Variants in SLC25A28 observed in about 807,000 individuals in gnomAD.
SLC25A28 encodes the protein mitoferrin-2.
In SLC25A28, 10 loss-of-function variants were observed where a neutral mutation model predicts 31.9. The observed-to-expected ratio is 0.31, with a 90% CI of 0.19 to 0.53. The LOEUF is 0.53. Ranked by LOEUF, SLC25A28 falls within the 20% of genes least tolerant of loss-of-function variation. The pLI is 0.95. For missense variants in SLC25A28, 256 were observed against 490.3 expected (o/e 0.52, Z 4.51); for synonymous variants, 208 against 203.6 (o/e 1.02, Z -0.19).
Position 99,613,549 on chromosome 10 carries a change from A to C in SLC25A28, c.520+147T>G. The stretch of plus-strand genomic sequence containing the variant: ...TTGAAGCGGCCCGTTGTCTGAGAAC[A>C]TCAGGTTTGGAAGTCCCTCCCTTAT... On this transcript the variant is annotated intron_variant, in intron 2 of 3. Coordinates refer to ENST00000370495, the MANE Select transcript of SLC25A28 (RefSeq NM_031212.4). This position sits in a 1 kb window ranked among gnomAD's most constrained non-coding sequence, Gnocchi z 4.9. 6.7e-7 allele frequency: 1 copy of C among 1,493,804 alleles called. No homozygotes were observed. The highest frequency in any genetic ancestry group is 2.5e-5 in the East Asian group (1 of 40,744). 92.5% of individuals were successfully genotyped at this position (1,493,804 alleles called of 1,614,324 possible). A position where few individuals can be genotyped will look rare whatever the true frequency, so the allele number is the denominator to read the frequency against.
chr10:99,642,127 G>C, the SLC25A28 span, among the ~76,000 whole-genome samples: 420 of 152,144 alleles, frequency 2.8e-3, 2 homozygotes, highest in African/African-American at 9.7e-3. Flanking sequence ...GCTTGATGGG[G>C]ATGGCATTGA....
At chr10:99,629,102 G>T in the SLC25A28 span, among the ~76,000 whole-genome samples, 5 of 152,172 alleles carry the variant, frequency 3.3e-5, no homozygotes, top group Non-Finnish European at 7.3e-5. Flanking sequence ...TTCCAGGTGG[G>T]CCTACTGGGA....
At chr10:99,625,681 A>G in the SLC25A28 span, among the ~76,000 whole-genome samples, 2 of 152,184 alleles carry the variant, frequency 1.3e-5, no homozygotes, top group African/African-American at 4.8e-5. Context: ...CTGGCAATCA[A>G]CATTGGAGGT....
At chr10:99,657,069 C>A in the SLC25A28 span, among the ~76,000 whole-genome samples, 1 of 152,070 alleles carries the variant, frequency 6.6e-6, no homozygotes, top group Non-Finnish European at 1.5e-5. Context: ...AAATGTAGGT[C>A]TTTTCTGTTT....
upstream of SLC25A28, among the ~76,000 whole-genome samples, chr10:99,624,647 C>T (rs1186041800): frequency 6.6e-6 from 1 of 152,128 alleles, no homozygotes. Flanking sequence ...TCAGCCTGGC[C>T]AACATGGTGA....
the SLC25A28 span, among the ~76,000 whole-genome samples, chr10:99,647,523 T>C: frequency 6.6e-6 from 1 of 152,228 alleles, no homozygotes; most frequent in Non-Finnish European, 1.5e-5. Context: ...GCTTTTTTCT[T>C]GTTGAGTTCT....
chr10:99,643,845 G>A, the SLC25A28 span, among the ~76,000 whole-genome samples: 1 of 152,186 alleles, frequency 6.6e-6, no homozygotes, highest in Non-Finnish European at 1.5e-5. Flanking sequence ...TTCAGGAGCA[G>A]GTTGTTCAGT....
the SLC25A28 span, among the ~76,000 whole-genome samples, chr10:99,627,315 T>C: frequency 2.6e-5 from 4 of 152,122 alleles, no homozygotes; most frequent in Admixed American, 2.0e-4. Context: ...GATGTTTTAA[T>C]ATAGGCCTGC....
the SLC25A28 span, among the ~76,000 whole-genome samples, chr10:99,654,407 T>C: frequency 4.6e-5 from 7 of 152,168 alleles, no homozygotes; most frequent in South Asian, 6.2e-4. Context: ...TGTACCCCCA[T>C]GATTATAAGA....
the SLC25A28 span, among the ~76,000 whole-genome samples, chr10:99,639,270 G>A: frequency 2.0e-5 from 3 of 151,830 alleles, no homozygotes; most frequent in Non-Finnish European, 4.4e-5. Flanking sequence ...TCACCGATAT[G>A]TGGGAGCTAA....
At chr10:99,617,658 C>T in intron 1 of SLC25A28, 1 of 985,466 alleles carries the variant, frequency 1.0e-6, no homozygotes, top group Non-Finnish European at 1.2e-6. Flanking sequence ...CTGGCCTCAC[C>T]TAGTTCTTCC....
chr10:99,657,967 C>A, the SLC25A28 span, among the ~76,000 whole-genome samples: 1 of 152,104 alleles, frequency 6.6e-6, no homozygotes, highest in Non-Finnish European at 1.5e-5. Context: ...AGGAAGACTG[C>A]TTGAGCCCAG....
At chr10:99,650,309 CT>C in the SLC25A28 span, among the ~76,000 whole-genome samples, 1 of 152,254 alleles carries the variant, frequency 6.6e-6, no homozygotes, top group Admixed American at 6.5e-5. Flanking sequence ...TCCTGGGTAA[CT>C]GGGACTATAG....
At position 99,613,630 on chromosome 10, in the gene SLC25A28, G is replaced by C. The variant is rs751337987; in HGVS notation, c.520+66C>G. The C allele has an allele frequency of 1.9e-6, 3 of 1,609,724 alleles. No homozygotes were observed. The highest frequency in any genetic ancestry group is 2.5e-6 in the Non-Finnish European group (3 of 1,178,032). ...CTCCAAACCATGCTGAGACTGGAAA[G>C]CACTGACAGCAGCAAAGCCCAAAGA... On this transcript the variant is annotated intron_variant, in intron 2 of 3. Coordinates refer to ENST00000370495, the MANE Select transcript of SLC25A28 (RefSeq NM_031212.4). The surrounding 1 kb of genome is among the most constrained non-coding windows in gnomAD (Gnocchi z 4.9).
At chr10:99,641,942 C>T in the SLC25A28 span, among the ~76,000 whole-genome samples, 2 of 150,950 alleles carry the variant, frequency 1.3e-5, no homozygotes, top group African/African-American at 4.9e-5. Flanking sequence ...GTTTTGGTAC[C>T]AGTACCATGC....
the SLC25A28 span, among the ~76,000 whole-genome samples, chr10:99,626,467 T>A: frequency 6.6e-6 from 1 of 152,252 alleles, no homozygotes; most frequent in Non-Finnish European, 1.5e-5. Context: ...AAAATTCCTC[T>A]TCCTGAAAAA....
intron 1 of SLC25A28, among the ~76,000 whole-genome samples, chr10:99,615,022 T>G (rs574697303): frequency 6.6e-6 from 1 of 152,314 alleles, no homozygotes; most frequent in South Asian, 2.1e-4. Context: ...TTTAAATTTC[T>G]GCATCAATCT....
At chr10:99,630,326 G>T in the SLC25A28 span, among the ~76,000 whole-genome samples, 15 of 151,982 alleles carry the variant, frequency 9.9e-5, no homozygotes, top group Non-Finnish European at 2.2e-4. Context: ...TAGACGCGGG[G>T]TTTCACCACG....
chr10:99,612,400 G>A (rs901870884), intron 3 of SLC25A28, 143 bp downstream of exon 3: 2 of 858,806 alleles, frequency 2.3e-6, no homozygotes, highest in Admixed American at 2.3e-5. Flanking sequence ...GCCTCGTTAG[G>A]TACCAAAAAC....
Sources: allele counts gnomAD v4.1 joint callset (sites outside exome capture counted in the v4.1 genomes callset), GRCh38; gene constraint gnomAD v4.1.1; non-coding constraint Gnocchi (gnomAD v3.1); transcripts MANE v1.5; gene names NCBI Gene and HGNC (gene_info 2026-07-23, HGNC 2026-07-21).